Variants in MAN2A1 observed in about 807,000 individuals in gnomAD.
MAN2A1 encodes the protein alpha-mannosidase 2.
In MAN2A1, 76 loss-of-function variants were observed where a neutral mutation model predicts 142.6. That is an observed-to-expected ratio of 0.53 (90% CI 0.44 to 0.65). The LOEUF (loss-of-function observed/expected upper bound fraction) is 0.65, where lower values mean the gene tolerates loss of function less well. Among genes scored for constraint, MAN2A1 ranks in the 30% least tolerant of loss-of-function variants. The probability of loss-of-function intolerance (pLI) is 0.00; values close to 1 mark genes in which losing one functional copy is unlikely to be tolerated. For synonymous variants in MAN2A1, 559 were observed against 473.2 expected (o/e 1.18, Z -2.35); for missense variants, 1,311 against 1,365.1 (o/e 0.96, Z 0.62).
chr5:109,719,980 G>T (rs1469937361), intron 3 of MAN2A1, among the ~76,000 whole-genome samples: 2 of 152,124 alleles, frequency 1.3e-5, no homozygotes, highest in Non-Finnish European at 2.9e-5. Flanking sequence ...TGAAAGTTTT[G>T]AATCATAGAC....
At chr5:109,784,715 A>C in intron 9 of MAN2A1, 29 bp from the exon 10 acceptor site, 1 of 1,508,046 alleles carries the variant, frequency 6.6e-7, no homozygotes, top group Non-Finnish European at 8.9e-7. Flanking sequence ...GTTTGTTTTA[A>C]AATAAAAATA....
chr5:109,833,805 A>G (rs1341667320), intron 16 of MAN2A1, among the ~76,000 whole-genome samples: 1 of 152,210 alleles, frequency 6.6e-6, no homozygotes, highest in African/African-American at 2.4e-5. Flanking sequence ...CTATCGTCAA[A>G]CATTAATTTT....
chr5:109,816,286 A>G (rs866715731), intron 12 of MAN2A1, among the ~76,000 whole-genome samples: 15 of 152,258 alleles, frequency 9.9e-5, no homozygotes, highest in African/African-American at 3.6e-4. Flanking sequence ...GAAGGATGTC[A>G]TAATATGCTG....
At position 109,819,762 on chromosome 5, in the gene MAN2A1, T is replaced by A; in HGVS notation, c.2203T>A (p.Leu735Met). The A allele has an allele frequency of 6.2e-7, 1 of 1,611,424 alleles. No homozygotes were observed. Among genetic ancestry groups the A allele is most frequent in the Non-Finnish European group, 8.5e-7 (1 of 1,178,042 alleles). Residue 735 changes from leucine to methionine, a missense_variant, in exon 14 of 22, where the codon TTG becomes ATG. Around this residue, in one of 3 missense-constraint regions of MAN2A1, gnomAD observed 890 missense variants for 920.5 expected, o/e 0.97. Coordinates refer to ENST00000261483, the MANE Select transcript of MAN2A1 (RefSeq NM_002372.4). ...AAATTCACATTTAGCTGATTATGTC[T>A]TGTATAAGAATAAAGTAGAAGATAG... ...SSNSHLADYV[L>M]YKNKVEDSGI...
At position 109,819,835 on chromosome 5, in the gene MAN2A1, C is replaced by A. The variant is rs1381852317; in HGVS notation, c.2276C>A (p.Thr759Lys). 6.2e-7 allele frequency: 1 copy of A among 1,608,894 alleles called. No individual in the cohort carries two copies. The highest frequency in any genetic ancestry group is 1.7e-5 in the Admixed American group (1 of 59,012). ...KNMINTEEGI[T>K]LENSFVLLRF... is the part of the protein sequence containing the mutation. ...ATGATAAATACTGAAGAAGGTATAA[C>A]ACTAGAGAACTCCTTTGTTTTACTT... The change falls in exon 14 of 22, where the codon ACA becomes AAA. Residue 759 changes from threonine to lysine, a missense_variant. By Grantham distance (78) the Thr-to-Lys change is moderately conservative. This residue lies in a region of MAN2A1 where 890 missense variants were observed against 920.5 expected (regional missense o/e 0.97). Coordinates refer to ENST00000261483, the MANE Select transcript of MAN2A1 (RefSeq NM_002372.4).
rs1479066624 is a variant in MAN2A1 at position 109,735,273 on chromosome 5, C to T, written c.707+5760C>T. On this transcript the variant is annotated intron_variant, in intron 4 of 21. Transcript: ENST00000261483. ...TTTTGAGCCTATGTGTGTCTCTGCA[C>T]GTGAGATGGGTTTCCTGAATACAGC... Among the ~76,000 whole-genome samples the T allele has an allele frequency of 5.3e-5, 8 of 151,960 alleles. No homozygotes were observed. In the East Asian group the frequency reaches 5.8e-4, roughly 11 times the overall value.
chr5:109,789,160 A>G (rs2112678381), intron 11 of MAN2A1, 112 bp downstream of exon 11: 3 of 588,144 alleles, frequency 5.1e-6, no homozygotes, highest in Non-Finnish European at 8.7e-6. Context: ...AATTTTTTGT[A>G]CATTATTTGA....
In MAN2A1 at chr5:109,843,102, G is replaced by A. The variant is rs182156592; in HGVS notation, c.2700+641G>A. Among the ~76,000 whole-genome samples, 16 of 152,044 alleles carry A rather than the reference G, an allele frequency of 1.1e-4. No individual in the cohort carries two copies. The East Asian group carries it at 1.9e-3, about 18-fold the overall frequency. ...ATTGTGGGCATGAGCCACTGTGCCC[G>A]GTCTGTTTTTGTATTAGCCCACTCT... On this transcript the variant is annotated intron_variant, in intron 17 of 21. Coordinates refer to ENST00000261483, the MANE Select transcript of MAN2A1 (RefSeq NM_002372.4).
chr5:109,865,132 A>T lies in MAN2A1; in HGVS notation c.3268A>T (p.Thr1090Ser). 6.2e-7 allele frequency: 1 copy of T among 1,613,124 alleles called. No individual in the cohort carries two copies. The highest frequency in any genetic ancestry group is 1.1e-5 in the South Asian group (1 of 91,068). The change falls in exon 21 of 22, where the codon ACT becomes TCT. Residue 1090 changes from threonine to serine, a missense_variant. Around this residue, in one of 3 missense-constraint regions of MAN2A1, gnomAD observed 890 missense variants for 920.5 expected, o/e 0.97. Coordinates refer to ENST00000261483, the MANE Select transcript of MAN2A1 (RefSeq NM_002372.4). ...SSKGTGLFCS[T>S]TQGKILVQKL... is the part of the protein sequence containing the mutation. ...CAAAGGCACAGGGCTGTTTTGTTCT[A>T]CTACTCAGGGAAAGGTAAGTTGAAA...
At position 109,781,428 on chromosome 5, in the gene MAN2A1, T is replaced by A. The variant is rs146179086; in HGVS notation, c.1407T>A (p.Asp469Glu). The change falls in exon 9 of 22, where the codon GAT becomes GAA. Residue 469 changes from aspartate (D) to glutamate (E), a missense_variant. Transcript: ENST00000261483. ...IQFGTLSDFFDALDKADETQR... is the reference protein window; with the variant it reads ...IQFGTLSDFFEALDKADETQR... Reference sequence around the variant, plus strand: ...TTGGAACTTTATCAGATTTTTTTGATGCGCTGGATAAAGCAGATGAAACTC... The same window carrying A: ...TTGGAACTTTATCAGATTTTTTTGAAGCGCTGGATAAAGCAGATGAAACTC... The A allele has an allele frequency of 1.7e-5, 27 of 1,604,828 alleles. No individual in the cohort carries two copies. The highest frequency in any genetic ancestry group is 2.3e-5 in the Non-Finnish European group (27 of 1,177,706).
At chr5:109,797,443 A>T (rs1285854559) in intron 12 of MAN2A1, among the ~76,000 whole-genome samples, 1 of 152,156 alleles carries the variant, frequency 6.6e-6, no homozygotes, top group Admixed American at 6.5e-5. Flanking sequence ...TTCACTAGTG[A>T]TGCTGAAGAG....
chr5:109,700,130 C>T (rs74487879), intron 1 of MAN2A1, among the ~76,000 whole-genome samples: 8,388 of 152,132 alleles, frequency 0.055, 231 homozygotes, highest in Non-Finnish European at 0.064. Context: ...ATTTCTAATT[C>T]CTTTCCCTTT....
intron 16 of MAN2A1, among the ~76,000 whole-genome samples, chr5:109,833,562 CG>C (rs1382916146): frequency 2.0e-5 from 3 of 152,074 alleles, no homozygotes; most frequent in East Asian, 3.9e-4. Context: ...CCCAGGCACT[CG>C]GCAGGCTGAA....
chr5:109,807,512 C>A (rs1250446477), intron 12 of MAN2A1, among the ~76,000 whole-genome samples: 3 of 152,102 alleles, frequency 2.0e-5, no homozygotes, highest in East Asian at 3.9e-4. Flanking sequence ...AGAATCATTT[C>A]TTTGCCTTTT....
In MAN2A1 at chr5:109,868,330, A is replaced by G. The variant is rs1755932595; in HGVS notation, c.*1332A>G. ...AAGTGAAGTTCTGAGCCCGTGTGCC[A>G]TTACAGTGCTTTTAATAAAATTTAT... On this transcript the variant is annotated 3_prime_UTR_variant, in exon 22 of 22. Transcript: ENST00000261483. 6.6e-6 allele frequency: 1 copy of G among 152,208 alleles called. No homozygotes were observed. The highest frequency in any genetic ancestry group is 2.1e-4 in the South Asian group (1 of 4,832). The allele number at this position is 152,208 out of a possible 1,614,324, so 9.4% of individuals were successfully genotyped here.
At chr5:109,851,474 G>T (rs1472089351) in intron 19 of MAN2A1, among the ~76,000 whole-genome samples, 1 of 152,132 alleles carries the variant, frequency 6.6e-6, no homozygotes, top group Non-Finnish European at 1.5e-5. Flanking sequence ...GAATGGGTTA[G>T]TTATTGCAGG....
intron 12 of MAN2A1, among the ~76,000 whole-genome samples, chr5:109,800,405 G>A (rs536522385): frequency 1.3e-5 from 2 of 152,208 alleles, no homozygotes; most frequent in South Asian, 4.1e-4. Context: ...ATGGTGCCTA[G>A]CAAATCTTTA....
intron 7 of MAN2A1, 72 bp from the exon 8 acceptor site, chr5:109,774,716 A>G: frequency 2.7e-6 from 3 of 1,131,106 alleles, no homozygotes; most frequent in Non-Finnish European, 3.8e-6. Flanking sequence ...TTCCTTTTTA[A>G]TCAATTGTCA....
intron 5 of MAN2A1, among the ~76,000 whole-genome samples, chr5:109,758,116 C>T (rs571585377): frequency 9.1e-4 from 139 of 152,170 alleles, no homozygotes; most frequent in African/African-American, 3.2e-3. Context: ...TCCAAAAGAG[C>T]GGTATCGTTC....
Sources: allele counts gnomAD v4.1 joint callset (sites outside exome capture counted in the v4.1 genomes callset), GRCh38; gene constraint gnomAD v4.1.1; regional missense constraint gnomAD v4.1.1; transcripts MANE v1.5; gene names NCBI Gene and HGNC (gene_info 2026-07-23, HGNC 2026-07-21).